The following FER1L6 variants were observed in gnomAD, a reference collection of about 807,000 sequenced individuals.
The protein encoded by FER1L6 is fer-1-like protein 6.
A neutral mutation model predicts 219.2 loss-of-function variants in FER1L6; 177 were observed. The ratio of observed to expected loss-of-function variants is 0.81; its 90% CI spans 0.71 to 0.91. The LOEUF (loss-of-function observed/expected upper bound fraction) is 0.91, where lower values mean the gene tolerates loss of function less well. Ranked by LOEUF, FER1L6 falls within the 40% of genes least tolerant of loss-of-function variation. The probability of loss-of-function intolerance (pLI) is 0.00; values close to 1 mark genes in which losing one functional copy is unlikely to be tolerated. For missense variants in FER1L6, 2,153 were observed against 2,259.9 expected (o/e 0.95, Z 0.96); for synonymous variants, 768 against 824.3 (o/e 0.93, Z 1.17).
intron 1 of FER1L6, among the ~76,000 whole-genome samples, chr8:123,938,649 C>T (rs1814101107): frequency 6.7e-6 from 1 of 149,418 alleles, no homozygotes; most frequent in Non-Finnish European, 1.5e-5. Context: ...CGGGTTTATG[C>T]AATTCTTGTG....
intron 1 of FER1L6, among the ~76,000 whole-genome samples, chr8:123,941,466 G>C (rs888099416): frequency 4.6e-5 from 7 of 152,170 alleles, no homozygotes; most frequent in African/African-American, 1.7e-4. Flanking sequence ...AAGGAAGGTG[G>C]TGTGGCCAGA....
intron 12 of FER1L6, among the ~76,000 whole-genome samples, chr8:123,994,316 C>T: frequency 6.6e-6 from 1 of 152,182 alleles, no homozygotes; most frequent in Non-Finnish European, 1.5e-5. Context: ...AGTCCATGCT[C>T]TGGCTCTTCA....
chr8:123,897,149 T>A (rs781549656), intron 1 of FER1L6, among the ~76,000 whole-genome samples: 5 of 152,188 alleles, frequency 3.3e-5, no homozygotes, highest in Non-Finnish European at 5.9e-5. Flanking sequence ...CAACTGCCAC[T>A]GCAGCCCAGG....
At chr8:124,021,517 G>A (rs371411839) in intron 16 of FER1L6, 33 bp from the exon 17 acceptor site, 6 of 1,610,816 alleles carry the variant, frequency 3.7e-6, no homozygotes, top group Middle Eastern at 1.6e-4. Context: ...CAGATCTCTC[G>A]AAAGACCCAC....
In FER1L6 at chr8:123,986,502, T is replaced by C. The variant is rs150320567; in HGVS notation, c.1519+326T>C. ...ATCACCTCAATCATTTATCCTTTCTTTGGTTACCAACAATCCATATTACAC... is the reference window on the plus strand; with the variant it reads ...ATCACCTCAATCATTTATCCTTTCTCTGGTTACCAACAATCCATATTACAC... On this transcript the variant is annotated intron_variant, in intron 12 of 40. Coordinates refer to ENST00000522917, the MANE Select transcript of FER1L6 (RefSeq NM_001039112.2). 3.0e-4 allele frequency among the ~76,000 whole-genome samples: 45 copies of C among 152,274 alleles called. No homozygotes were observed. The East Asian group carries it at 7.9e-3, about 27-fold the overall frequency.
At chr8:123,949,385 G>A (rs796731004) in intron 1 of FER1L6, among the ~76,000 whole-genome samples, 10 of 152,238 alleles carry the variant, frequency 6.6e-5, no homozygotes, top group African/African-American at 2.2e-4. Context: ...GAATTCCATA[G>A]ATCCTCTCTT....
intron 34 of FER1L6, among the ~76,000 whole-genome samples, chr8:124,091,827 C>T (rs916401904): frequency 9.2e-5 from 14 of 152,002 alleles, no homozygotes; most frequent in Admixed American, 7.2e-4. Context: ...AGTAGCCATG[C>T]GTGGTGGCAG....
At chr8:124,009,211 A>G (rs1002572601) in intron 13 of FER1L6, among the ~76,000 whole-genome samples, 22 of 152,192 alleles carry the variant, frequency 1.4e-4, no homozygotes, top group African/African-American at 3.9e-4. Context: ...ATTTAAAACC[A>G]TCCTCCTTCT....
intron 1 of FER1L6, among the ~76,000 whole-genome samples, chr8:123,902,428 G>A (rs992319528): frequency 2.0e-5 from 3 of 152,042 alleles, no homozygotes; most frequent in African/African-American, 7.2e-5. Context: ...CACTATTATT[G>A]TGTTGCTGTC....
At chr8:123,933,437 G>T (rs1027888502) in intron 1 of FER1L6, among the ~76,000 whole-genome samples, 1 of 151,862 alleles carries the variant, frequency 6.6e-6, no homozygotes, top group African/African-American at 2.4e-5. Context: ...CCTATAAGCT[G>T]CCAGACACAG....
At chr8:123,874,904 AG>A (rs964932033) in intron 1 of FER1L6, among the ~76,000 whole-genome samples, 15 of 152,184 alleles carry the variant, frequency 9.9e-5, no homozygotes, top group Non-Finnish European at 2.1e-4. Flanking sequence ...TTTCCTTAAA[AG>A]CAAATCTCAG....
At chr8:124,081,200 A>C (rs1180579026) in intron 32 of FER1L6, among the ~76,000 whole-genome samples, 1 of 152,062 alleles carries the variant, frequency 6.6e-6, no homozygotes, top group African/African-American at 2.4e-5. Context: ...CCTGTACCAG[A>C]GCAGACAGTC....
chr8:123,924,544 A>T (rs77186711), intron 1 of FER1L6, among the ~76,000 whole-genome samples: 73,201 of 150,954 alleles, frequency 0.48, 17,941 homozygotes, highest in East Asian at 0.58. Flanking sequence ...CAAAAAAAAA[A>T]AAATAAATAA....
Position 124,119,630 on chromosome 8 carries a change from G to A in FER1L6, c.5414G>A (p.Trp1805Ter). The A allele has an allele frequency of 6.2e-7, 1 of 1,612,780 alleles. No homozygotes were observed. The highest frequency in any genetic ancestry group is 8.5e-7 in the Non-Finnish European group (1 of 1,179,230). The change falls in exon 41 of 41, where the codon TGG (tryptophan) becomes TAG (stop). Residue 1805 changes from tryptophan (W) to a stop codon, truncating the protein, a stop_gained. Coordinates refer to ENST00000522917, the MANE Select transcript of FER1L6 (RefSeq NM_001039112.2). LOFTEE classifies it high-confidence loss of function. ...KPNRPDTSFS[W>*]FMSPFKCLYY... ...AGCCGCCCAGACACCTCCTTTTCGT[G>A]GTTCATGAGCCCCTTTAAGTGCCTG...
At chr8:123,892,698 C>G (rs980317276) in intron 1 of FER1L6, among the ~76,000 whole-genome samples, 1 of 152,156 alleles carries the variant, frequency 6.6e-6, no homozygotes, top group African/African-American at 2.4e-5. Flanking sequence ...TTTGGCTAAA[C>G]AAATGACTAT....
chr8:123,876,157 T>G (rs1196410155), intron 1 of FER1L6, among the ~76,000 whole-genome samples: 5 of 152,156 alleles, frequency 3.3e-5, no homozygotes, highest in Non-Finnish European at 7.4e-5. Flanking sequence ...TTCCCTCTCT[T>G]TCTACATCCC....
intron 29 of FER1L6, 68 bp from the exon 30 acceptor site, chr8:124,070,399 G>A: frequency 6.4e-7 from 1 of 1,564,664 alleles, no homozygotes; most frequent in Non-Finnish European, 8.7e-7. Flanking sequence ...GAGAATCTTG[G>A]CATTTCTCAT....
chr8:124,099,809 C>T (rs1822476431), intron 37 of FER1L6, among the ~76,000 whole-genome samples: 1 of 152,212 alleles, frequency 6.6e-6, no homozygotes, highest in Admixed American at 6.5e-5. Flanking sequence ...TTTCATACCA[C>T]ATGCCCCCTT....
chr8:123,947,257 G>A (rs1173802524), intron 1 of FER1L6, among the ~76,000 whole-genome samples: 1 of 151,484 alleles, frequency 6.6e-6, no homozygotes, highest in Admixed American at 6.6e-5. Context: ...AAAAAAAAAA[G>A]GTATGATGAT....
Sources: allele counts gnomAD v4.1 joint callset (sites outside exome capture counted in the v4.1 genomes callset), GRCh38; gene constraint gnomAD v4.1.1; transcripts MANE v1.5; gene names NCBI Gene and HGNC (gene_info 2026-07-23, HGNC 2026-07-21).